ATRNL1: variants seen among roughly 807,000 people sequenced by gnomAD.
ATRNL1 encodes the protein attractin like 1, also known as attractin-like protein 1.
ATRNL1 carries 95 observed loss-of-function variants against 182.7 expected under a neutral mutation model. The observed-to-expected ratio is 0.52, with a 90% CI of 0.44 to 0.62. The LOEUF (loss-of-function observed/expected upper bound fraction) is 0.62, where lower values mean the gene tolerates loss of function less well. Ranked by LOEUF, ATRNL1 falls within the 20% of genes least tolerant of loss-of-function variation. The probability of loss-of-function intolerance (pLI) is 0.00; values close to 1 mark genes in which losing one functional copy is unlikely to be tolerated. For synonymous variants in ATRNL1, 576 were observed against 568.3 expected (o/e 1.01, Z -0.19); for missense variants, 1,471 against 1,679.5 (o/e 0.88, Z 2.17).
chr10:115,916,437 A>T (rs542753654), intron 28 of ATRNL1, among the ~76,000 whole-genome samples: 1 of 152,322 alleles, frequency 6.6e-6, no homozygotes, highest in South Asian at 2.1e-4. Flanking sequence ...TTGGTCATGC[A>T]CCAACACAGA....
chr10:115,798,951 C>T (rs577729368), intron 27 of ATRNL1, among the ~76,000 whole-genome samples: 1 of 151,804 alleles, frequency 6.6e-6, no homozygotes, highest in Non-Finnish European at 1.5e-5. Flanking sequence ...CTCAGCCTCC[C>T]CAGTAGCTGG....
At chr10:115,902,462 AAAGAC>A in intron 28 of ATRNL1, among the ~76,000 whole-genome samples, 1 of 152,314 alleles carries the variant, frequency 6.6e-6, no homozygotes, top group South Asian at 2.1e-4. Flanking sequence ...GACTAATTAA[AAAGAC>A]AAAGGGATCT....
At chr10:115,305,577 T>C (rs1853686334) in intron 17 of ATRNL1, among the ~76,000 whole-genome samples, 1 of 152,118 alleles carries the variant, frequency 6.6e-6, no homozygotes, top group Non-Finnish European at 1.5e-5. Context: ...ATACAAGAGT[T>C]GAAGACTTGT....
chr10:115,213,060 C>G (rs1849092992), intron 8 of ATRNL1, among the ~76,000 whole-genome samples: 1 of 151,974 alleles, frequency 6.6e-6, no homozygotes, highest in South Asian at 2.1e-4. Flanking sequence ...CTTTAAAATT[C>G]TTTTTAGATA....
intron 26 of ATRNL1, among the ~76,000 whole-genome samples, chr10:115,582,287 A>T (rs1855160032): frequency 1.3e-5 from 2 of 148,286 alleles, no homozygotes; most frequent in Admixed American, 1.4e-4. Flanking sequence ...GTCAAATGGT[A>T]TTTCTAGTTC....
intron 19 of ATRNL1, among the ~76,000 whole-genome samples, chr10:115,344,177 G>T (rs527418170): frequency 2.0e-4 from 31 of 152,228 alleles, no homozygotes; most frequent in African/African-American, 7.5e-4. Context: ...ACAATCAGCA[G>T]GTGGCAAAGC....
chr10:115,097,865 A>G (rs2085054697), intron 1 of ATRNL1, among the ~76,000 whole-genome samples: 1 of 152,204 alleles, frequency 6.6e-6, no homozygotes, highest in African/African-American at 2.4e-5. Flanking sequence ...CGGAGGTTGC[A>G]GTGAGCATAG....
chr10:115,649,122 T>C (rs1859821869), intron 26 of ATRNL1, among the ~76,000 whole-genome samples: 1 of 152,170 alleles, frequency 6.6e-6, no homozygotes, highest in Non-Finnish European at 1.5e-5. Context: ...ATTTTAAAAG[T>C]TTATAGTGAC....
At chr10:115,708,302 AT>A (rs782539616) in intron 26 of ATRNL1, among the ~76,000 whole-genome samples, 2 of 151,574 alleles carry the variant, frequency 1.3e-5, no homozygotes, top group Non-Finnish European at 3.0e-5. Context: ...ATTAACTAGA[AT>A]TTTTTGTGTC....
intron 26 of ATRNL1, among the ~76,000 whole-genome samples, chr10:115,624,363 T>C (rs1342424097): frequency 6.6e-6 from 1 of 152,156 alleles, no homozygotes; most frequent in Non-Finnish European, 1.5e-5. Flanking sequence ...CTCTTAAGAA[T>C]CAGTTTTTAA....
chr10:115,808,245 T>G (rs1430690928), intron 27 of ATRNL1, among the ~76,000 whole-genome samples: 1 of 152,282 alleles, frequency 6.6e-6, no homozygotes. Flanking sequence ...GTTGCAAATT[T>G]ATCGTGTTTT....
chr10:115,752,796 T>G (rs1360346418), intron 27 of ATRNL1, among the ~76,000 whole-genome samples: 2 of 152,124 alleles, frequency 1.3e-5, no homozygotes, highest in Non-Finnish European at 2.9e-5. Context: ...GTACTTATAC[T>G]GTCCAGCCTC....
intron 27 of ATRNL1, among the ~76,000 whole-genome samples, chr10:115,797,261 G>A (rs1415985217): frequency 6.6e-6 from 1 of 152,136 alleles, no homozygotes; most frequent in African/African-American, 2.4e-5. Context: ...AGGGCCTCTT[G>A]TTCAAAAAGT....
intron 26 of ATRNL1, among the ~76,000 whole-genome samples, chr10:115,576,524 G>A (rs1032077280): frequency 6.6e-6 from 1 of 151,874 alleles, no homozygotes. Context: ...TTAGCCATTT[G>A]TATGTCTTAT....
chr10:115,498,896 G>A lies in ATRNL1; in HGVS notation c.3655-20367G>A, dbSNP rs531549133. Among the ~76,000 whole-genome samples the A allele has an allele frequency of 5.7e-4, 86 of 152,084 alleles. 1 individual carries two copies. The highest frequency in any genetic ancestry group is 7.1e-4 in the Non-Finnish European group (48 of 67,914). On this transcript the variant is annotated intron_variant, in intron 24 of 28. Transcript: ENST00000355044. Reference sequence around the variant, plus strand: ...TTTAGACATAACCCAAATTTCTAAAGTTTTAAAGATAAGACTGAATGATAA... The same window carrying A: ...TTTAGACATAACCCAAATTTCTAAAATTTTAAAGATAAGACTGAATGATAA...
chr10:115,556,792 C>A (rs538162230), intron 26 of ATRNL1, among the ~76,000 whole-genome samples: 1 of 150,748 alleles, frequency 6.6e-6, no homozygotes, highest in Non-Finnish European at 1.5e-5. Flanking sequence ...ATCTTGGACT[C>A]CTCCTCCATT....
chr10:115,843,033 G>A (rs1449595605), intron 27 of ATRNL1, among the ~76,000 whole-genome samples: 1 of 152,024 alleles, frequency 6.6e-6, no homozygotes, highest in East Asian at 1.9e-4. Context: ...AATTTGGAGA[G>A]AAACTTGGTC....
intron 27 of ATRNL1, 87 bp downstream of exon 27, chr10:115,727,442 A>G: frequency 1.0e-6 from 1 of 991,312 alleles, no homozygotes; most frequent in Non-Finnish European, 1.6e-6. Context: ...TATGAAGCCA[A>G]ACAGAGTCTG....
At chr10:115,839,476 T>C (rs1451622909) in intron 27 of ATRNL1, among the ~76,000 whole-genome samples, 2 of 152,134 alleles carry the variant, frequency 1.3e-5, no homozygotes, top group Non-Finnish European at 2.9e-5. Context: ...TTACAGAATA[T>C]TTCCTAGGCT....
Sources: gnomAD v4.1 joint callset for allele counts (sites outside exome capture counted in the v4.1 genomes callset) on GRCh38, gnomAD v4.1.1 for gene constraint, MANE v1.5 for transcripts, NCBI Gene and HGNC (gene_info 2026-07-23, HGNC 2026-07-21) for gene names.